Variants in FGGY observed in about 807,000 individuals in gnomAD.
FGGY encodes FGGY carbohydrate kinase domain containing.
Under a neutral mutation model 71.3 loss-of-function variants are expected in FGGY, and 72 were observed. The observed-to-expected ratio is 1.01, with a 90% CI of 0.84 to 1.23. FGGY has a LOEUF of 1.23. Ranked by LOEUF, FGGY falls within the 50% of genes most tolerant of loss-of-function variation. FGGY has a pLI of 0.00. For synonymous variants in FGGY, 251 were observed against 250.3 expected (o/e 1.00, Z -0.02); for missense variants, 668 against 682.3 (o/e 0.98, Z 0.23).
In FGGY at chr1:59,384,687, A is replaced by G. The variant is rs183152496; in HGVS notation, c.554+5850A>G. On this transcript the variant is annotated intron_variant, in intron 5 of 15. Transcript: ENST00000303721. ...AGTGTCTCCATCATGTGCAGTCTGT[A>G]AGAACCTGGAGCAAATTATTTACCT... Among the ~76,000 whole-genome samples the G allele has an allele frequency of 1.6e-3, 241 of 152,258 alleles. 1 individual carries two copies. The highest frequency in any genetic ancestry group is 5.7e-3 in the African/African-American group (236 of 41,560).
At chr1:59,658,716 C>G (rs1040600267) in intron 11 of FGGY, among the ~76,000 whole-genome samples, 3 of 152,304 alleles carry the variant, frequency 2.0e-5, no homozygotes, top group African/African-American at 2.4e-5. Flanking sequence ...AACAGTCGAT[C>G]TAGCTCTAGT....
chr1:59,653,403 A>C (rs2153942181), intron 11 of FGGY, among the ~76,000 whole-genome samples: 1 of 151,808 alleles, frequency 6.6e-6, no homozygotes, highest in South Asian at 2.1e-4. Flanking sequence ...GCAATCAGCG[A>C]GATTCTGTGG....
At chr1:59,655,216 A>G (rs1042150962) in intron 11 of FGGY, among the ~76,000 whole-genome samples, 1 of 152,222 alleles carries the variant, frequency 6.6e-6, no homozygotes, top group East Asian at 1.9e-4. Flanking sequence ...CGAGAGAAAG[A>G]GAATGAACAC....
chr1:59,659,182 A>G (rs958651816), intron 11 of FGGY, among the ~76,000 whole-genome samples: 5 of 152,186 alleles, frequency 3.3e-5, no homozygotes, highest in African/African-American at 1.2e-4. Flanking sequence ...AGCCTGGGAG[A>G]CAAAGCAAGA....
At chr1:59,713,597 C>A (rs1386711853) in intron 14 of FGGY, among the ~76,000 whole-genome samples, 2 of 152,182 alleles carry the variant, frequency 1.3e-5, no homozygotes, top group African/African-American at 4.8e-5. Context: ...GTATTAAAAT[C>A]TCCTTTTGGT....
intron 7 of FGGY, among the ~76,000 whole-genome samples, chr1:59,516,020 A>G (rs938384284): frequency 6.6e-6 from 1 of 152,196 alleles, no homozygotes; most frequent in East Asian, 1.9e-4. Context: ...CAGGAAGGTG[A>G]TAGTCCATGA....
At chr1:59,578,856 A>C (rs901737730) in intron 8 of FGGY, among the ~76,000 whole-genome samples, 1 of 152,094 alleles carries the variant, frequency 6.6e-6, no homozygotes, top group East Asian at 1.9e-4. Flanking sequence ...TAATCATGTA[A>C]GACTACAGCT....
chr1:59,733,923 T>C (rs1163743196), intron 14 of FGGY, among the ~76,000 whole-genome samples: 6 of 152,204 alleles, frequency 3.9e-5, no homozygotes, highest in African/African-American at 1.4e-4. Flanking sequence ...CTCTCATATC[T>C]GGGTGATAAG....
intron 5 of FGGY, among the ~76,000 whole-genome samples, chr1:59,401,033 T>G (rs1006076764): frequency 6.6e-6 from 1 of 152,196 alleles, no homozygotes; most frequent in Non-Finnish European, 1.5e-5. Flanking sequence ...TTTAGTAGTA[T>G]TTTGCTTTGT....
At chr1:59,628,416 C>A (rs1353343961) in intron 10 of FGGY, among the ~76,000 whole-genome samples, 1 of 152,178 alleles carries the variant, frequency 6.6e-6, no homozygotes. Flanking sequence ...TACTGAAGAA[C>A]TGTCCTAGAT....
intron 7 of FGGY, among the ~76,000 whole-genome samples, chr1:59,542,443 T>C (rs2095455563): frequency 7.3e-6 from 1 of 137,754 alleles, no homozygotes; most frequent in Non-Finnish European, 1.6e-5. Context: ...GTATGTTCTT[T>C]ACTTTTTTTT....
intron 5 of FGGY, among the ~76,000 whole-genome samples, chr1:59,403,620 A>T (rs1050970738): frequency 1.3e-5 from 2 of 152,236 alleles, no homozygotes; most frequent in African/African-American, 4.8e-5. Flanking sequence ...AAAGGACAGC[A>T]TATGGGAAAG....
chr1:59,392,123 A>G (rs2060771275), intron 5 of FGGY, among the ~76,000 whole-genome samples: 1 of 152,178 alleles, frequency 6.6e-6, no homozygotes, highest in African/African-American at 2.4e-5. Flanking sequence ...CTCAGGATAC[A>G]GTGGGCATCT....
chr1:59,579,769 G>A (rs1571561678), intron 8 of FGGY, among the ~76,000 whole-genome samples: 1 of 152,224 alleles, frequency 6.6e-6, no homozygotes, highest in Non-Finnish European at 1.5e-5. Flanking sequence ...CAGCAGCCAG[G>A]GTGGCCTCTT....
intron 4 of FGGY, among the ~76,000 whole-genome samples, chr1:59,357,821 T>C (rs1323829082): frequency 6.6e-6 from 1 of 152,222 alleles, no homozygotes; most frequent in Non-Finnish European, 1.5e-5. Context: ...ACTGTAGTGC[T>C]GAAGACCACA....
At chr1:59,301,361 C>T (rs1452143236) in intron 1 of FGGY, among the ~76,000 whole-genome samples, 1 of 151,968 alleles carries the variant, frequency 6.6e-6, no homozygotes, top group Non-Finnish European at 1.5e-5. Context: ...TTGTAGATGC[C>T]ATCAGATTTT....
chr1:59,593,507 A>C (rs2096482878), intron 8 of FGGY, among the ~76,000 whole-genome samples: 1 of 152,204 alleles, frequency 6.6e-6, no homozygotes, highest in African/African-American at 2.4e-5. Flanking sequence ...ATGGGGATAA[A>C]GATACCTATC....
chr1:59,311,645 A>G (rs796759411), intron 1 of FGGY, among the ~76,000 whole-genome samples: 23 of 152,122 alleles, frequency 1.5e-4, no homozygotes, highest in African/African-American at 5.6e-4. Context: ...TCTATCATTG[A>G]TAAGTATTTG....
intron 8 of FGGY, among the ~76,000 whole-genome samples, chr1:59,589,747 A>C (rs193136040): frequency 2.7e-4 from 41 of 152,328 alleles, no homozygotes; most frequent in African/African-American, 9.6e-4. Flanking sequence ...AACGAGAACA[A>C]AGACACAACA....
Sources: gnomAD v4.1 joint callset for allele counts (sites outside exome capture counted in the v4.1 genomes callset) on GRCh38, gnomAD v4.1.1 for gene constraint, MANE v1.5 for transcripts, NCBI Gene and HGNC (gene_info 2026-07-23, HGNC 2026-07-21) for gene names.